The following INTS6 variants were observed in gnomAD, a reference collection of about 807,000 sequenced individuals.
INTS6 encodes the protein DEAD box protein.
In INTS6, 16 loss-of-function variants were observed where a neutral mutation model predicts 104.9. The ratio of observed to expected loss-of-function variants is 0.15; its 90% confidence interval spans 0.10 to 0.23. The LOEUF (loss-of-function observed/expected upper bound fraction) is 0.23. Among genes scored for constraint, INTS6 ranks in the 10% least tolerant of loss-of-function variants. The pLI is 1.00. For missense variants in INTS6, 584 were observed against 1,062.8 expected (o/e 0.55, Z 6.26); for synonymous variants, 324 against 358.7 (o/e 0.90, Z 1.09).
intron 4 of INTS6, among the ~76,000 whole-genome samples, chr13:51,408,003 T>G (rs1956606105): frequency 1.4e-5 from 2 of 141,202 alleles, no homozygotes; most frequent in South Asian, 2.3e-4. Context: ...GGCAACAGAG[T>G]GAGACTCGGT....
rs74084808 is a variant in INTS6, at chr13:51,355,601, A to G, written n.431-1265T>C. Among the ~76,000 whole-genome samples the G allele has an allele frequency of 5.8e-3, 879 of 151,848 alleles. 10 individuals carry two copies. Among genetic ancestry groups the G allele is most frequent in the African/African-American group, 0.02 (838 of 41,390 alleles). On this transcript the variant is annotated intron_variant and non_coding_transcript_variant, in intron 3 of 3. Coordinates refer to the INTS6 transcript ENST00000476666. ...CTTGAAACCTTCCCTCATCTGTCCA[A>G]TTTCCTTTTTTCAAATTACCCATAC...
intron 4 of INTS6, among the ~76,000 whole-genome samples, chr13:51,400,562 T>C (rs1197072981): frequency 1.3e-5 from 2 of 152,212 alleles, no homozygotes; most frequent in Non-Finnish European, 2.9e-5. Flanking sequence ...ATCCTTTCTA[T>C]GCTGCACTAG....
At chr13:51,403,864 A>T (rs1956497131) in intron 4 of INTS6, among the ~76,000 whole-genome samples, 2 of 152,088 alleles carry the variant, frequency 1.3e-5, no homozygotes, top group African/African-American at 4.8e-5. Context: ...TAAGCAAAGT[A>T]AAAGAGATGC....
At chr13:51,430,434 A>G (rs763269803) in intron 3 of INTS6, 51 bp from the exon 4 acceptor site, 5 of 1,433,816 alleles carry the variant, frequency 3.5e-6, no homozygotes, top group Non-Finnish European at 4.8e-6. Flanking sequence ...TTTGGCTTAC[A>G]AAGTAAAAAG....
chr13:51,451,097 G>A lies in INTS6; in HGVS notation c.267C>T (p.Gly89=), dbSNP rs373798571. ...NLQAEGLTTL[G]QSLRTAFDLL... Reference sequence around the variant, plus strand: ...AATCAAAAGCTGTCCTTAGGGATTGGCCAAGAGTCGTAAGTCCTTCAGCCT... The same window carrying A: ...AATCAAAAGCTGTCCTTAGGGATTGACCAAGAGTCGTAAGTCCTTCAGCCT... Residue 89 remains glycine, a synonymous_variant, in exon 3 of 18, where the codon GGC becomes GGT. Coordinates refer to ENST00000311234, the MANE Select transcript of INTS6 (RefSeq NM_012141.3). 3 of 1,589,544 alleles carry A rather than the reference G, an allele frequency of 1.9e-6. No homozygotes were observed. The highest frequency in any genetic ancestry group is 1.7e-4 in the Middle Eastern group (1 of 5,862).
Position 51,452,301 on chromosome 13 carries a change from C to T in INTS6, c.111+114G>A. 9.1e-7 allele frequency: 1 copy of T among 1,094,852 alleles called. No individual in the cohort carries two copies. The highest frequency in any genetic ancestry group is 4.1e-5 in the East Asian group (1 of 24,366). The allele number at this position is 1,094,852 out of a possible 1,614,324, so 67.8% of individuals were successfully genotyped here. A position where few individuals can be genotyped will look rare whatever the true frequency, so the allele number is the denominator to read the frequency against. On this transcript the variant is annotated intron_variant, in intron 1 of 17. Transcript: ENST00000311234. This position sits in a 1 kb window ranked among gnomAD's most constrained non-coding sequence, Gnocchi z 4.2. ...CGCGGTGGGGGAGGGGGTCCCCGAG[C>T]CCGGCAGCTCCCGCAGTCAGGTCCC... is the stretch of plus-strand genomic sequence containing the variant.
chr13:51,384,338 CT>C, intron 7 of INTS6: 1 of 222,818 alleles, frequency 4.5e-6, no homozygotes, highest in Non-Finnish European at 9.0e-6. Flanking sequence ...AAAAGTAATA[CT>C]TTTTTTAAAA....
chr13:51,387,901 T>C (rs1956169339), intron 6 of INTS6, among the ~76,000 whole-genome samples: 1 of 152,180 alleles, frequency 6.6e-6, no homozygotes, highest in South Asian at 2.1e-4. Flanking sequence ...GCCACCTTTA[T>C]CATCATATCC....
At chr13:51,397,427 A>G (rs1224399994) in intron 4 of INTS6, among the ~76,000 whole-genome samples, 1 of 152,182 alleles carries the variant, frequency 6.6e-6, no homozygotes, top group African/African-American at 2.4e-5. Context: ...TCTGGCACGT[A>G]AGGCAGAAGG....
chr13:51,357,560 C>T (rs992222910), downstream of INTS6, among the ~76,000 whole-genome samples: 4 of 152,118 alleles, frequency 2.6e-5, no homozygotes, highest in East Asian at 7.7e-4. Flanking sequence ...TCTCTTTCCC[C>T]ATTTACAAGT....
intron 7 of INTS6, chr13:51,384,838 T>C (rs1956111219): frequency 2.7e-6 from 1 of 372,948 alleles, no homozygotes; most frequent in Non-Finnish European, 5.2e-6. Flanking sequence ...TTCTATTTCT[T>C]ACCACTTTAA....
At chr13:51,344,573 C>T in the INTS6 span, 1 of 998,798 alleles carries the variant, frequency 1.0e-6, no homozygotes, top group Non-Finnish European at 1.5e-6. Flanking sequence ...GGCCATGGTG[C>T]TCAGGCCACC....
Position 51,452,828 on chromosome 13 carries a change from T to G in INTS6, c.-303A>C. 1 of 1,159,036 alleles carries G rather than the reference T, an allele frequency of 8.6e-7. No individual in the cohort carries two copies. The highest frequency in any genetic ancestry group is 1.1e-6 in the Non-Finnish European group (1 of 934,146). The allele number at this position is 1,159,036 out of a possible 1,614,324, so 71.8% of individuals were successfully genotyped here. ...CGTCCCCCCCGCCTCGGGGGTCCCG[T>G]CCCCGCTCCCGGCCCCTGTGTGTGT... On this transcript the variant is annotated 5_prime_UTR_variant, in exon 1 of 18. Coordinates refer to ENST00000311234, the MANE Select transcript of INTS6 (RefSeq NM_012141.3). This position sits in a 1 kb window ranked among gnomAD's most constrained non-coding sequence, Gnocchi z 4.2.
chr13:51,430,730 A>G, intron 3 of INTS6, among the ~76,000 whole-genome samples: 1 of 152,320 alleles, frequency 6.6e-6, no homozygotes, highest in East Asian at 1.9e-4. Flanking sequence ...ATTTTTGTAG[A>G]TATTACAAGT....
chr13:51,418,569 A>C (rs1405778066), intron 4 of INTS6, among the ~76,000 whole-genome samples: 1 of 152,212 alleles, frequency 6.6e-6, no homozygotes, highest in African/African-American at 2.4e-5. Context: ...CTTAATGCCA[A>C]CCCAATTATT....
At chr13:51,449,058 A>G (rs1369785357) in intron 3 of INTS6, 1 of 152,234 alleles carries the variant, frequency 6.6e-6, no homozygotes, top group Non-Finnish European at 1.5e-5. Context: ...TTATGATGAA[A>G]AAAATCTTCT....
chr13:51,452,565 A>G lies in INTS6; in HGVS notation c.-40T>C. On this transcript the variant is annotated 5_prime_UTR_variant, in exon 1 of 18. Transcript: ENST00000311234. The surrounding 1 kb of genome is among the most constrained non-coding windows in gnomAD (Gnocchi z 4.2). ...ACACCGGGGCCCGAGGTGGTGGAGA[A>G]AGAGGAGATGGTAGAGGTGGAGGCG... The G allele has an allele frequency of 6.3e-7, 1 of 1,597,982 alleles. No individual in the cohort carries two copies. The highest frequency in any genetic ancestry group is 8.5e-7 in the Non-Finnish European group (1 of 1,170,744).
intron 3 of INTS6, chr13:51,445,276 G>C (rs1952888462): frequency 6.6e-6 from 1 of 151,916 alleles, no homozygotes; most frequent in Non-Finnish European, 1.5e-5. Context: ...AGACAACTTT[G>C]GCCAAGTTAT....
Position 51,384,817 on chromosome 13 carries a change from G to A in INTS6, c.895-1076C>T. 3 of 394,158 alleles carry A rather than the reference G, an allele frequency of 7.6e-6. 1 individual carries two copies. The highest frequency in any genetic ancestry group is 5.7e-5 in the South Asian group (3 of 52,884). 24.4% of individuals were successfully genotyped at this position (394,158 alleles called of 1,614,324 possible). ...TCAATACTAAACTCTCATCTCTCTAGAAATGTTATCTTCTATTTCTTACCA... is the reference window on the plus strand; with the variant it reads ...TCAATACTAAACTCTCATCTCTCTAAAAATGTTATCTTCTATTTCTTACCA... On this transcript the variant is annotated intron_variant, in intron 7 of 17. Coordinates refer to ENST00000311234, the MANE Select transcript of INTS6 (RefSeq NM_012141.3).
Sources: allele counts gnomAD v4.1 joint callset (sites outside exome capture counted in the v4.1 genomes callset), GRCh38; gene constraint gnomAD v4.1.1; non-coding constraint Gnocchi (gnomAD v3.1); transcripts MANE v1.5; gene names NCBI Gene and HGNC (gene_info 2026-07-23, HGNC 2026-07-21).